PLEKHM3: variants seen among roughly 807,000 people sequenced by gnomAD.
PLEKHM3 encodes pleckstrin homology domain-containing family M member 3.
In PLEKHM3, 45 loss-of-function variants were observed where a neutral mutation model predicts 81.8. That is an observed-to-expected ratio of 0.55 (90% CI 0.43 to 0.71). The LOEUF is 0.71. Among genes scored for constraint, PLEKHM3 ranks in the 30% least tolerant of loss-of-function variants. The probability of loss-of-function intolerance (pLI) is 0.00; values close to 1 mark genes in which losing one functional copy is unlikely to be tolerated. For synonymous variants in PLEKHM3, 352 were observed against 356.4 expected (o/e 0.99, Z 0.14); for missense variants, 788 against 924.3 (o/e 0.85, Z 1.91).
rs558153966 is a variant in PLEKHM3, at chr2:208,020,450, G to A, written c.-319+4939C>T. 5.3e-5 allele frequency among the ~76,000 whole-genome samples: 8 copies of A among 152,272 alleles called. No homozygotes were observed. The South Asian group carries it at 1.0e-3, about 20-fold the overall frequency. ...CTGTCATCAAGATTAATTACTTATG[G>A]AACAAATAAAACTTTTACCTTGTCA... On this transcript the variant is annotated intron_variant, in intron 1 of 7. Coordinates refer to ENST00000427836, the MANE Select transcript of PLEKHM3 (RefSeq NM_001080475.3).
At chr2:207,844,111 T>C (rs1013720827) in intron 7 of PLEKHM3, among the ~76,000 whole-genome samples, 6 of 151,882 alleles carry the variant, frequency 4.0e-5, no homozygotes. Context: ...CTTAACTCCA[T>C]TCTCAAAGAA....
Position 207,823,502 on chromosome 2 carries a change from C to G in PLEKHM3, c.*4817G>C, listed in dbSNP as rs1169396702. The G allele has an allele frequency of 6.6e-6, 1 of 152,218 alleles. No individual in the cohort carries two copies. Among genetic ancestry groups the G allele is most frequent in the Non-Finnish European group, 1.5e-5 (1 of 68,068 alleles). 9.4% of individuals were successfully genotyped at this position (152,218 alleles called of 1,614,324 possible). On this transcript the variant is annotated 3_prime_UTR_variant, in exon 8 of 8. Transcript: ENST00000427836. ...TTTTTAGTAAAGAGGGGGGTTTCAC[C>G]ATGTTGGCCAGGCTGGCCTCAAACT...
chr2:207,970,032 A>G (rs1332524833), intron 3 of PLEKHM3, among the ~76,000 whole-genome samples: 1 of 152,132 alleles, frequency 6.6e-6, no homozygotes, highest in Non-Finnish European at 1.5e-5. Flanking sequence ...CTTTCTTCTC[A>G]TACTGCTGTT....
At chr2:208,018,525 A>C (rs1019863104) in intron 1 of PLEKHM3, among the ~76,000 whole-genome samples, 4 of 152,056 alleles carry the variant, frequency 2.6e-5, no homozygotes, top group Admixed American at 6.5e-5. Flanking sequence ...CTCTGTCCCC[A>C]AAAAATAAAC....
At chr2:207,865,803 G>GAT (rs71036961) in intron 6 of PLEKHM3, among the ~76,000 whole-genome samples, 1,545 of 29,194 alleles carry the variant, frequency 0.053, 76 homozygotes, top group Middle Eastern at 0.12. Flanking sequence ...AAAAAAAAAA[G>GAT]ATATATATAT....
intron 2 of PLEKHM3, among the ~76,000 whole-genome samples, chr2:207,979,855 C>T (rs1276061992): frequency 6.6e-6 from 1 of 152,226 alleles, no homozygotes; most frequent in Non-Finnish European, 1.5e-5. Flanking sequence ...ACCTGCTTTA[C>T]ATCTCTGGTC....
At chr2:208,002,926 TAAAAC>T (rs1447382532) in intron 1 of PLEKHM3, among the ~76,000 whole-genome samples, 1 of 149,092 alleles carries the variant, frequency 6.7e-6, no homozygotes, top group Admixed American at 6.7e-5. Context: ...AAAAAACAAA[TAAAAC>T]AACTAGGCAA....
chr2:208,001,004 GAAAT>G, intron 2 of PLEKHM3, 22 bp downstream of exon 2: 1 of 1,442,794 alleles, frequency 6.9e-7, no homozygotes, highest in Non-Finnish European at 9.2e-7. Context: ...AAAAAAAAAG[GAAAT>G]AAATAAAATT....
intron 3 of PLEKHM3, among the ~76,000 whole-genome samples, chr2:207,969,157 AT>A (rs1261502169): frequency 3.9e-5 from 6 of 152,216 alleles, no homozygotes; most frequent in African/African-American, 1.4e-4. Flanking sequence ...ATGAAAACAG[AT>A]TTTGGCTACC....
chr2:207,973,377 G>A (rs1302754804), intron 3 of PLEKHM3, among the ~76,000 whole-genome samples: 1 of 152,196 alleles, frequency 6.6e-6, no homozygotes, highest in Non-Finnish European at 1.5e-5. Context: ...AACAGGTTTT[G>A]GCCTTTTTCT....
In PLEKHM3 at chr2:207,955,484, C is replaced by G. The variant is rs568474556; in HGVS notation, c.1547-8972G>C. On this transcript the variant is annotated intron_variant, in intron 3 of 7. Transcript: ENST00000427836. The stretch of plus-strand genomic sequence containing the variant: ...AAACACCTTATGTAAGACAGGCTTA[C>G]TATAAGCCAGGCACTGTCATAACTA... 3.9e-5 allele frequency among the ~76,000 whole-genome samples: 6 copies of G among 152,308 alleles called. No individual in the cohort carries two copies. In the South Asian group the frequency reaches 1.2e-3, roughly 32 times the overall value.
chr2:207,932,192 C>G (rs866535099), intron 4 of PLEKHM3, among the ~76,000 whole-genome samples: 1 of 152,148 alleles, frequency 6.6e-6, no homozygotes, highest in African/African-American at 2.4e-5. Context: ...GAGTGGTAAT[C>G]CACGGTAATC....
intron 2 of PLEKHM3, among the ~76,000 whole-genome samples, chr2:207,997,968 CA>C (rs1692175346): frequency 6.6e-6 from 1 of 152,134 alleles, no homozygotes; most frequent in Admixed American, 6.6e-5. Flanking sequence ...GACTAGTTGG[CA>C]CCTGGATATT....
chr2:207,863,499 T>C (rs2092478845), intron 6 of PLEKHM3, among the ~76,000 whole-genome samples: 1 of 152,236 alleles, frequency 6.6e-6, no homozygotes, highest in Non-Finnish European at 1.5e-5. Context: ...TCCTGCCCAC[T>C]CTAGGCTCAC....
At chr2:207,894,536 C>A (rs981831874) in intron 6 of PLEKHM3, among the ~76,000 whole-genome samples, 6 of 113,400 alleles carry the variant, frequency 5.3e-5, no homozygotes, top group Admixed American at 2.8e-4. Flanking sequence ...AGTGGAAAGA[C>A]ATGGTAGAGT....
intron 7 of PLEKHM3, among the ~76,000 whole-genome samples, chr2:207,831,860 A>G (rs2105879804): frequency 6.6e-6 from 1 of 152,220 alleles, no homozygotes; most frequent in African/African-American, 2.4e-5. Flanking sequence ...ACCTTCTATC[A>G]CTAAAGTGAC....
At chr2:207,962,474 A>G (rs1690768700) in intron 3 of PLEKHM3, among the ~76,000 whole-genome samples, 1 of 152,210 alleles carries the variant, frequency 6.6e-6, no homozygotes, top group Non-Finnish European at 1.5e-5. Flanking sequence ...ATCGTTTATA[A>G]TAAAACTGCA....
chr2:207,963,301 T>C (rs2106002296), intron 3 of PLEKHM3, among the ~76,000 whole-genome samples: 1 of 152,292 alleles, frequency 6.6e-6, no homozygotes, highest in African/African-American at 2.4e-5. Context: ...AAAGCCAGTG[T>C]GGCTGGAACA....
intron 1 of PLEKHM3, among the ~76,000 whole-genome samples, chr2:208,020,818 C>T (rs1335627296): frequency 3.3e-5 from 5 of 152,180 alleles, no homozygotes; most frequent in African/African-American, 9.7e-5. Flanking sequence ...CACAGACACT[C>T]TCTGTACTTT....
Sources: allele counts gnomAD v4.1 joint callset (sites outside exome capture counted in the v4.1 genomes callset), GRCh38; gene constraint gnomAD v4.1.1; transcripts MANE v1.5; gene names NCBI Gene and HGNC (gene_info 2026-07-23, HGNC 2026-07-21).